SLC35D1: variants seen among roughly 807,000 people sequenced by gnomAD.
SLC35D1 encodes the protein solute carrier family 35 member D1.
In SLC35D1, 31 loss-of-function variants were observed where a neutral mutation model predicts 46.7. That is an observed-to-expected ratio of 0.66 (90% CI 0.50 to 0.90). The LOEUF is 0.90. Among genes scored for constraint, SLC35D1 ranks in the 40% least tolerant of loss-of-function variants. SLC35D1 has a pLI of 0.00. For missense variants in SLC35D1, 397 were observed against 426.2 expected, an observed-to-expected ratio of 0.93 and a Z score of 0.60; for synonymous variants, 195 against 164.6, an observed-to-expected ratio of 1.18 and a Z score of -1.41.
intron 10 of SLC35D1, among the ~76,000 whole-genome samples, chr1:67,012,000 A>G (rs533306761): frequency 5.3e-5 from 8 of 152,126 alleles, no homozygotes; most frequent in African/African-American, 1.4e-4. Context: ...TGTGCCCTTG[A>G]AAGTTTGACT....
intron 10 of SLC35D1, among the ~76,000 whole-genome samples, chr1:67,013,158 A>ATATATATATATATACGTATATATG: frequency 2.8e-4 from 29 of 103,574 alleles, no homozygotes; most frequent in African/African-American, 1.4e-3. Flanking sequence ...TATCCTGGAG[A>ATATATATATATATACGTATATATG]TATATATATA....
the SLC35D1 span, among the ~76,000 whole-genome samples, chr1:66,983,874 C>T: frequency 4.8e-4 from 73 of 152,266 alleles, no homozygotes; most frequent in African/African-American, 1.6e-3. Context: ...AGACGGTGCA[C>T]GCCACCACTC....
At chr1:67,039,139 A>T (rs1277489252) in intron 8 of SLC35D1, among the ~76,000 whole-genome samples, 1 of 152,140 alleles carries the variant, frequency 6.6e-6, no homozygotes, top group Non-Finnish European at 1.5e-5. Flanking sequence ...TAAATTTAAC[A>T]GTGAGACTTT....
At chr1:66,991,174 T>C in the SLC35D1 span, among the ~76,000 whole-genome samples, 6 of 152,184 alleles carry the variant, frequency 3.9e-5, no homozygotes, top group African/African-American at 1.4e-4. Context: ...ACTTGCTTTT[T>C]GGGGGAGCTC....
At position 67,053,885 on chromosome 1, in the gene SLC35D1, C is replaced by T; in HGVS notation, c.129G>A (p.Leu43=). 1.2e-6 allele frequency: 2 copies of T among 1,613,778 alleles called. No homozygotes were observed. Among genetic ancestry groups the T allele is most frequent in the Non-Finnish European group, 1.7e-6 (2 of 1,179,736 alleles). The change falls in exon 1 of 12, where the codon CTG becomes CTA. Residue 43 remains leucine, a synonymous_variant. Transcript: ENST00000235345. The part of the protein sequence containing the change: ...SAETLTVFLK[L]LAAGFYGVSS... ...TCACGCCGTAAAAGCCGGCGGCCAG[C>T]AGCTTCAGAAACACGGTCAGCGTTT...
At chr1:66,980,691 T>C in the SLC35D1 span, among the ~76,000 whole-genome samples, 3 of 152,122 alleles carry the variant, frequency 2.0e-5, no homozygotes, top group Non-Finnish European at 4.4e-5. Context: ...AATTAGAATT[T>C]TATTGAGTTT....
chr1:67,029,693 C>A (rs1260311682), intron 8 of SLC35D1, among the ~76,000 whole-genome samples: 1 of 152,168 alleles, frequency 6.6e-6, no homozygotes, highest in Non-Finnish European at 1.5e-5. Context: ...CCCCTCTGAA[C>A]TTTGCTTTTT....
chr1:67,034,303 T>C (rs2102322421), intron 8 of SLC35D1, among the ~76,000 whole-genome samples: 1 of 152,342 alleles, frequency 6.6e-6, no homozygotes, highest in African/African-American at 2.4e-5. Flanking sequence ...TTTAACAATA[T>C]TGATTTTTCC....
At chr1:66,986,149 A>G in the SLC35D1 span, 2 of 1,173,400 alleles carry the variant, frequency 1.7e-6, no homozygotes, top group Non-Finnish European at 2.1e-6. Flanking sequence ...GAAGTTTGAA[A>G]ACTTTTCAAA....
intron 1 of SLC35D1, 93 bp from the exon 2 acceptor site, chr1:67,053,082 TC>T: frequency 7.2e-7 from 1 of 1,390,254 alleles, no homozygotes; most frequent in South Asian, 1.2e-5. Flanking sequence ...AATAAGGCAT[TC>T]CGATACAAGC....
At chr1:67,024,184 G>A (rs2755247) in intron 8 of SLC35D1, among the ~76,000 whole-genome samples, 88,058 of 151,766 alleles carry the variant, frequency 0.58, 27,712 homozygotes, top group East Asian at 0.84. Flanking sequence ...GACCTCAAGT[G>A]ATCCGCCCGC....
intron 7 of SLC35D1, among the ~76,000 whole-genome samples, chr1:67,045,383 G>A (rs542458117): frequency 4.6e-5 from 7 of 151,996 alleles, no homozygotes; most frequent in South Asian, 4.2e-4. Flanking sequence ...TTGCCCTTAC[G>A]GCTGTTTAAT....
At chr1:67,037,868 T>C (rs990828690) in intron 8 of SLC35D1, among the ~76,000 whole-genome samples, 4 of 152,190 alleles carry the variant, frequency 2.6e-5, no homozygotes, top group Non-Finnish European at 5.9e-5. Context: ...AAAAATTGAA[T>C]CCTTATCTGA....
At chr1:67,050,348 C>A in intron 5 of SLC35D1, 85 bp downstream of exon 5, 2 of 1,046,834 alleles carry the variant, frequency 1.9e-6, no homozygotes, top group Admixed American at 1.9e-5. Context: ...AAGGTAGGAA[C>A]AAGACAAATA....
Position 67,039,536 on chromosome 1 carries a change from ATTC to A in SLC35D1, c.729+2697_729+2699del, listed in dbSNP as rs1668199339. On this transcript the variant is annotated intron_variant, in intron 8 of 11. Coordinates refer to ENST00000235345, the MANE Select transcript of SLC35D1 (RefSeq NM_015139.3). ...GTGTGTGTGTGCGCGCGTGGGGGGT[ATTC>A]TTATTTTTCTTTTTATTTTACCCAA... Among the ~76,000 whole-genome samples, 4 of 98,494 alleles carry A rather than the reference ATTC, an allele frequency of 4.1e-5. No homozygotes were observed. In the East Asian group the frequency reaches 1.1e-3, roughly 27 times the overall value. The allele number at this position is 98,494 out of a possible 152,430, so 64.6% of individuals were successfully genotyped here.
intron 10 of SLC35D1, among the ~76,000 whole-genome samples, chr1:67,012,981 C>T (rs1345150678): frequency 6.6e-6 from 1 of 151,552 alleles, no homozygotes; most frequent in African/African-American, 2.4e-5. Flanking sequence ...GTGAAGGTAT[C>T]TTCAATAAAA....
chr1:66,986,963 A>C, the SLC35D1 span: 1 of 146,464 alleles, frequency 6.8e-6, no homozygotes, highest in Admixed American at 6.8e-5. Context: ...TGCCATTTTC[A>C]CCTTTTTAAA....
rs746810857 is a variant in SLC35D1 at position 67,047,348 on chromosome 1, G to T, written c.553C>A (p.Leu185Met). ...ATCAGAATAAAAGCATATCCTTCCA[G>T]ATCAAATGCCAAGTCAGAGCTGCAA... Reference protein sequence around the residue: ...VAASSDLAFDLEGYAFILIND... With the variant: ...VAASSDLAFDMEGYAFILIND... Residue 185 changes from leucine to methionine, a missense_variant, in exon 7 of 12, where the codon CTG becomes ATG. Leu to Met is a conservative substitution (Grantham distance 15, BLOSUM62 2). Coordinates refer to ENST00000235345, the MANE Select transcript of SLC35D1 (RefSeq NM_015139.3). The T allele has an allele frequency of 4.3e-5, 70 of 1,612,956 alleles. No individual in the cohort carries two copies. The highest frequency in any genetic ancestry group is 4.0e-4 in the Admixed American group (24 of 59,998).
chr1:67,006,204 C>A (rs1235949281), intron 11 of SLC35D1, among the ~76,000 whole-genome samples: 1 of 152,138 alleles, frequency 6.6e-6, no homozygotes, highest in Non-Finnish European at 1.5e-5. Flanking sequence ...CTTCATCCAG[C>A]AGCTTTTTCC....
Sources: gnomAD v4.1 joint callset for allele counts (sites outside exome capture counted in the v4.1 genomes callset) on GRCh38, gnomAD v4.1.1 for gene constraint, MANE v1.5 for transcripts, NCBI Gene and HGNC (gene_info 2026-07-23, HGNC 2026-07-21) for gene names.